TEAD4: variants seen among roughly 807,000 people sequenced by gnomAD.
TEAD4 encodes the protein TEA domain transcription factor 4.
Under a neutral mutation model 52.4 loss-of-function variants are expected in TEAD4, and 36 were observed. The ratio of observed to expected loss-of-function variants is 0.69; its 90% confidence interval spans 0.53 to 0.91. The LOEUF (loss-of-function observed/expected upper bound fraction) is 0.91, where lower values mean the gene tolerates loss of function less well. Ranked by LOEUF, TEAD4 falls within the 40% of genes least tolerant of loss-of-function variation. The probability of loss-of-function intolerance (pLI) is 0.00; values close to 1 mark genes in which losing one functional copy is unlikely to be tolerated. For missense variants in TEAD4, 508 were observed against 583.9 expected, an observed-to-expected ratio of 0.87 and a Z score of 1.34; for synonymous variants, 220 against 231.0, an observed-to-expected ratio of 0.95 and a Z score of 0.43.
At chr12:2,999,647 C>T (rs750519372) in intron 3 of TEAD4, among the ~76,000 whole-genome samples, 5 of 152,336 alleles carry the variant, frequency 3.3e-5, no homozygotes, top group South Asian at 2.1e-4. Context: ...TGCTCACGGC[C>T]GCTTTCATTT....
chr12:2,969,414 G>A (rs2098223302), intron 2 of TEAD4, among the ~76,000 whole-genome samples: 1 of 152,162 alleles, frequency 6.6e-6, no homozygotes, highest in Admixed American at 6.5e-5. Context: ...AGAGGCCTTG[G>A]AACCGATCAC....
At chr12:3,004,386 C>G (rs1368477448) in intron 3 of TEAD4, among the ~76,000 whole-genome samples, 6 of 152,208 alleles carry the variant, frequency 3.9e-5, no homozygotes, top group Non-Finnish European at 7.3e-5. Flanking sequence ...TAAGTCATTT[C>G]CCCTCTCTGG....
intron 2 of TEAD4, among the ~76,000 whole-genome samples, chr12:2,985,532 G>A (rs1224495406): frequency 9.4e-6 from 1 of 106,764 alleles, no homozygotes; most frequent in Non-Finnish European, 1.8e-5. Context: ...TTGAGACGGA[G>A]TCTCATTCTG....
chr12:3,026,289 TC>T (rs1372829390), intron 10 of TEAD4, among the ~76,000 whole-genome samples: 15 of 152,332 alleles, frequency 9.8e-5, no homozygotes, highest in African/African-American at 2.6e-4. Flanking sequence ...AATTTTGTAT[TC>T]TGACTCTTTT....
In TEAD4 at chr12:2,986,920, G is replaced by C. The variant is rs547400759; in HGVS notation, c.-29-7818G>C. On this transcript the variant is annotated intron_variant, in intron 2 of 12. Coordinates refer to ENST00000359864, the MANE Select transcript of TEAD4 (RefSeq NM_003213.4). ...TTTTCAGCTCCATTATCATCTTATG[G>C]GACCCCCTTTGAATGAACGTTTGGG... Among the ~76,000 whole-genome samples, 111 of 152,256 alleles carry C rather than the reference G, an allele frequency of 7.3e-4. No homozygotes were observed. The South Asian group carries it at 0.018, about 25-fold the overall frequency.
At chr12:3,029,830 G>C (rs1354432693) in intron 10 of TEAD4, among the ~76,000 whole-genome samples, 4 of 152,234 alleles carry the variant, frequency 2.6e-5, no homozygotes, top group Non-Finnish European at 5.9e-5. Flanking sequence ...TTGTCACCTG[G>C]TGGGTTTCGC....
At chr12:2,987,416 G>GTTTGT (rs112231928) in intron 2 of TEAD4, among the ~76,000 whole-genome samples, 6 of 150,160 alleles carry the variant, frequency 4.0e-5, no homozygotes, top group African/African-American at 1.5e-4. Context: ...TGTTTTTTTT[G>GTTTGT]TTTGTTTTGT....
chr12:3,038,859 G>A (rs117933434), intron 11 of TEAD4, among the ~76,000 whole-genome samples: 3,198 of 152,282 alleles, frequency 0.021, 53 homozygotes, highest in Middle Eastern at 0.058. Context: ...GGCCCGCTGC[G>A]TAGTGGCAGT....
intron 2 of TEAD4, among the ~76,000 whole-genome samples, chr12:2,973,382 A>G (rs1259793147): frequency 6.6e-6 from 1 of 152,194 alleles, no homozygotes; most frequent in Non-Finnish European, 1.5e-5. Context: ...GAGTTCTTTC[A>G]TATTCTGGAT....
intron 10 of TEAD4, among the ~76,000 whole-genome samples, chr12:3,025,764 T>C (rs1226382178): frequency 6.6e-6 from 1 of 152,150 alleles, no homozygotes; most frequent in Non-Finnish European, 1.5e-5. Flanking sequence ...CTTGAACTCC[T>C]GGTCTCAAGT....
intron 2 of TEAD4, among the ~76,000 whole-genome samples, chr12:2,966,997 G>A (rs139623155): frequency 1.8e-4 from 27 of 152,288 alleles, no homozygotes; most frequent in Non-Finnish European, 3.1e-4. Context: ...GTGAACCACC[G>A]CACCTGACCC....
Position 3,037,948 on chromosome 12 carries a change from T to A in TEAD4, c.898-20T>A. 1 of 1,605,760 alleles carries A rather than the reference T, an allele frequency of 6.2e-7. No homozygotes were observed. The highest frequency in any genetic ancestry group is 8.5e-7 in the Non-Finnish European group (1 of 1,174,016). ...TGGCACCTGCTGACACTCCCTCGCC[T>A]TCCCACTGTCTCCCTCCAGGCAGAC... On this transcript the variant is annotated intron_variant, in intron 10 of 12. Coordinates refer to ENST00000359864, the MANE Select transcript of TEAD4 (RefSeq NM_003213.4).
chr12:3,027,724 A>T (rs10774099), intron 10 of TEAD4, among the ~76,000 whole-genome samples: 1 of 152,074 alleles, frequency 6.6e-6, no homozygotes. Context: ...AAAATTAGCC[A>T]GGCATGGTGG....
chr12:2,976,368 T>C (rs2098229708), intron 2 of TEAD4, among the ~76,000 whole-genome samples: 1 of 143,754 alleles, frequency 7.0e-6, no homozygotes, highest in Admixed American at 7.0e-5. Context: ...CCTCCCAACC[T>C]TTTGTTTTTG....
chr12:3,020,506 A>C, intron 8 of TEAD4, 128 bp from the exon 9 acceptor site: 2 of 1,210,144 alleles, frequency 1.7e-6, no homozygotes, highest in Non-Finnish European at 2.2e-6. Flanking sequence ...TAGGAGGTCC[A>C]TTTAGGGAGA....
At chr12:3,024,443 G>A (rs746963908) in intron 10 of TEAD4, among the ~76,000 whole-genome samples, 2 of 152,114 alleles carry the variant, frequency 1.3e-5, no homozygotes, top group Admixed American at 6.5e-5. Context: ...GGAGCCCAAC[G>A]TGGGCAGATT....
At chr12:3,009,065 GTCTGTTTCCTACA>G (rs1311582115) in intron 3 of TEAD4, among the ~76,000 whole-genome samples, 5 of 152,206 alleles carry the variant, frequency 3.3e-5, no homozygotes, top group Admixed American at 3.3e-4. Flanking sequence ...CAGCGTTGAG[GTCTGTTTCCTACA>G]TCTGTAGAAA....
At chr12:3,019,529 G>A (rs565869350) in intron 8 of TEAD4, among the ~76,000 whole-genome samples, 6 of 152,322 alleles carry the variant, frequency 3.9e-5, no homozygotes, top group Admixed American at 2.0e-4. Context: ...TGGGAGGGCC[G>A]AGGGGTGTCT....
chr12:2,997,218 G>A (rs1396957085), intron 3 of TEAD4, among the ~76,000 whole-genome samples: 1 of 152,172 alleles, frequency 6.6e-6, no homozygotes, highest in African/African-American at 2.4e-5. Flanking sequence ...AGGAGAATGG[G>A]ATGAAGAAGA....
Sources: allele counts gnomAD v4.1 joint callset (sites outside exome capture counted in the v4.1 genomes callset), GRCh38; gene constraint gnomAD v4.1.1; transcripts MANE v1.5; gene names NCBI Gene and HGNC (gene_info 2026-07-23, HGNC 2026-07-21).